The following USP20 variants were observed in gnomAD, a reference collection of about 807,000 sequenced individuals.
The protein encoded by USP20 is ubiquitin specific peptidase 20, also known as ubiquitin carboxyl-terminal hydrolase 20.
USP20 carries 80 observed loss-of-function variants against 124.2 expected under a neutral mutation model. The observed-to-expected ratio is 0.64, with a 90% confidence interval of 0.54 to 0.78. USP20 has a LOEUF of 0.78. Ranked by LOEUF, USP20 falls within the 30% of genes least tolerant of loss-of-function variation. The probability of loss-of-function intolerance (pLI) is 0.00; values close to 1 mark genes in which losing one functional copy is unlikely to be tolerated. For synonymous variants in USP20, 481 were observed against 512.3 expected, an observed-to-expected ratio of 0.94 and a Z score of 0.83; for missense variants, 1,043 against 1,244.4, an observed-to-expected ratio of 0.84 and a Z score of 2.44.
intron 1 of USP20, among the ~76,000 whole-genome samples, chr9:129,841,260 T>C (rs1017156976): frequency 6.6e-5 from 10 of 152,258 alleles, no homozygotes; most frequent in African/African-American, 2.4e-4. Flanking sequence ...GATGGCCATC[T>C]TCTCACTGTG....
intron 1 of USP20, among the ~76,000 whole-genome samples, chr9:129,843,328 G>T (rs2032342783): frequency 6.6e-6 from 1 of 152,030 alleles, no homozygotes; most frequent in Non-Finnish European, 1.5e-5. Flanking sequence ...TACTCTAGAG[G>T]CTGAGGCAAG....
At chr9:129,854,021 C>T (rs1364757769) in intron 3 of USP20, among the ~76,000 whole-genome samples, 1 of 152,162 alleles carries the variant, frequency 6.6e-6, no homozygotes, top group African/African-American at 2.4e-5. Flanking sequence ...ATGAGCAGGT[C>T]CTTCCCAGTA....
intron 6 of USP20, among the ~76,000 whole-genome samples, chr9:129,860,030 C>G (rs746885911): frequency 8.0e-5 from 12 of 150,716 alleles, no homozygotes; most frequent in African/African-American, 1.7e-4. Context: ...GACTCTATCT[C>G]TTAAAAAAAG....
rs760940152 is a variant in USP20, at chr9:129,860,960, T to G, written c.354T>G (p.Pro118=). Residue 118 remains proline, a synonymous_variant, in exon 7 of 26, where the codon CCT becomes CCG. Coordinates refer to ENST00000372429, the MANE Select transcript of USP20 (RefSeq NM_001110303.4). ...AGGACTCCCCGCCACCCTCCCACCC[T>G]CTGAAAGCTGTTCCTATTGCTGTGG... ...SEQDSPPPSH[P]LKAVPIAVAD... is the part of the protein sequence containing the mutation. The G allele has an allele frequency of 1.8e-6, 2 of 1,118,024 alleles. No homozygotes were observed. Among genetic ancestry groups the G allele is most frequent in the Admixed American group, 1.8e-5 (1 of 54,296 alleles). The allele number at this position is 1,118,024 out of a possible 1,614,324, so 69.3% of individuals were successfully genotyped here. A position where few individuals can be genotyped will look rare whatever the true frequency, so the allele number is the denominator to read the frequency against.
chr9:129,860,794 G>A, intron 6 of USP20, 143 bp from the exon 7 acceptor site: 1 of 778,752 alleles, frequency 1.3e-6, no homozygotes, highest in Non-Finnish European at 2.2e-6. Context: ...TCTTTTCACA[G>A]TACCTTCTGC....
chr9:129,852,942 C>G (rs993458206), intron 3 of USP20, among the ~76,000 whole-genome samples: 1 of 152,106 alleles, frequency 6.6e-6, no homozygotes, highest in African/African-American at 2.4e-5. Flanking sequence ...AGTTCAGGAG[C>G]GTTTTTACAC....
intron 7 of USP20, 131 bp from the exon 8 acceptor site, chr9:129,861,412 C>T (rs1327038532): frequency 1.3e-5 from 10 of 784,656 alleles, no homozygotes; most frequent in Admixed American, 2.1e-5. Context: ...TGGGGTGGAA[C>T]GCTTCCACCA....
At chr9:129,871,653 C>CT (rs2131090817) in intron 15 of USP20, among the ~76,000 whole-genome samples, 1 of 152,294 alleles carries the variant, frequency 6.6e-6, no homozygotes, top group African/African-American at 2.4e-5. Context: ...ATTTTGTTTA[C>CT]TTTTTTGATG....
chr9:129,855,430 C>CAA (rs199707935), intron 3 of USP20, among the ~76,000 whole-genome samples: 1 of 35,672 alleles, frequency 2.8e-5, no homozygotes. Flanking sequence ...GACTCCATCT[C>CAA]AAAACAAAAA....
At position 129,879,388 on chromosome 9, in the gene USP20, G is replaced by A. The variant is rs1588294644; in HGVS notation, c.2513-185G>A. ...AGTCTGAGACCATCTCGTGTGTCCT[G>A]GAAATTCCCTCTGCTGGGTCCTCAG... On this transcript the variant is annotated intron_variant, in intron 23 of 25. Coordinates refer to ENST00000372429, the MANE Select transcript of USP20 (RefSeq NM_001110303.4). The surrounding 1 kb of genome is among the most constrained non-coding windows in gnomAD (Gnocchi z 4.2). 1.3e-4 allele frequency: 81 copies of A among 606,900 alleles called. 1 individual carries two copies. In the East Asian group the frequency reaches 2.3e-3, roughly 17 times the overall value. 37.6% of individuals were successfully genotyped at this position (606,900 alleles called of 1,614,324 possible). A position where few individuals can be genotyped will look rare whatever the true frequency, so the allele number is the denominator to read the frequency against.
intron 6 of USP20, 88 bp from the exon 7 acceptor site, chr9:129,860,849 G>A (rs1009425216): frequency 2.2e-6 from 3 of 1,374,128 alleles, no homozygotes; most frequent in Middle Eastern, 3.8e-4. Flanking sequence ...GGGCAGTAGG[G>A]CTGGACTTCC....
intron 22 of USP20, among the ~76,000 whole-genome samples, chr9:129,877,769 C>T (rs548596186): frequency 3.3e-5 from 5 of 152,124 alleles, no homozygotes; most frequent in South Asian, 2.1e-4. Context: ...TCTATTCAAC[C>T]GGAGAAAATT....
At chr9:129,868,532 C>A in intron 11 of USP20, 83 bp downstream of exon 11, 1 of 1,490,668 alleles carries the variant, frequency 6.7e-7, no homozygotes, top group Non-Finnish European at 8.9e-7. Context: ...CCTGCAGTAG[C>A]CCCCGGGGGA....
At chr9:129,865,957 A>G (rs768906697) in intron 10 of USP20, among the ~76,000 whole-genome samples, 1 of 152,238 alleles carries the variant, frequency 6.6e-6, no homozygotes, top group Non-Finnish European at 1.5e-5. Flanking sequence ...GTTTGATTAA[A>G]AATTTTTTTT....
In USP20 at chr9:129,861,588, C is replaced by G; in HGVS notation, c.473C>G (p.Ala158Gly). 6.2e-7 allele frequency: 1 copy of G among 1,614,176 alleles called. No individual in the cohort carries two copies. Among genetic ancestry groups the G allele is most frequent in the Non-Finnish European group, 8.5e-7 (1 of 1,180,032 alleles). Residue 158 changes from alanine to glycine, a missense_variant, in exon 8 of 26, where the codon GCT (alanine) becomes GGT (glycine). By Grantham distance (60) the Ala-to-Gly change is moderately conservative. Coordinates refer to ENST00000372429, the MANE Select transcript of USP20 (RefSeq NM_001110303.4). Reference protein sequence around the residue: ...KNLGNSCYMNAALQALSNCPP... With the variant: ...KNLGNSCYMNGALQALSNCPP... The stretch of plus-strand genomic sequence containing the variant: ...CTCGGGAACTCCTGCTACATGAACG[C>G]TGCCCTGCAGGCCCTGTCCAATTGG...
At chr9:129,876,654 AG>A (rs566731182) in intron 22 of USP20, among the ~76,000 whole-genome samples, 3 of 138,648 alleles carry the variant, frequency 2.2e-5, no homozygotes, top group Non-Finnish European at 4.7e-5. Flanking sequence ...AAAAAAAAAA[AG>A]AAAAAGAAAA....
At chr9:129,855,824 C>T (rs752648039) in intron 3 of USP20, among the ~76,000 whole-genome samples, 2 of 152,090 alleles carry the variant, frequency 1.3e-5, no homozygotes, top group African/African-American at 4.8e-5. Flanking sequence ...GAAACCTGGG[C>T]GTTTCCTGGG....
chr9:129,877,113 G>A (rs1351302487), intron 22 of USP20, among the ~76,000 whole-genome samples: 3 of 152,190 alleles, frequency 2.0e-5, no homozygotes, highest in Non-Finnish European at 2.9e-5. Context: ...CGAGGCTCCT[G>A]GCGCACTCCC....
At chr9:129,855,848 AG>A (rs1358404463) in intron 3 of USP20, among the ~76,000 whole-genome samples, 5 of 152,086 alleles carry the variant, frequency 3.3e-5, no homozygotes, top group African/African-American at 1.2e-4. Context: ...TGCCAGGTCT[AG>A]TGAACTCTTC....
Sources: gnomAD v4.1 joint callset for allele counts (sites outside exome capture counted in the v4.1 genomes callset) on GRCh38, gnomAD v4.1.1 for gene constraint, Gnocchi (gnomAD v3.1) non-coding constraint, MANE v1.5 for transcripts, NCBI Gene and HGNC (gene_info 2026-07-23, HGNC 2026-07-21) for gene names.